The following DBF4B variants were observed in gnomAD, a reference collection of about 807,000 sequenced individuals.
DBF4B encodes the protein DBF4B-CDC7 kinase regulatory subunit, also known as protein DBF4 homolog B.
A neutral mutation model predicts 53.4 loss-of-function variants in DBF4B; 49 were observed. The observed-to-expected ratio is 0.92, with a 90% confidence interval of 0.73 to 1.16. The LOEUF is 1.16. DBF4B is among the 50% of genes most tolerant of loss of function. The pLI, the probability that DBF4B is intolerant of heterozygous loss-of-function variation, is 0.00. For missense variants in DBF4B, 692 were observed against 775.0 expected (o/e 0.89, Z 1.27); for synonymous variants, 257 against 288.7 (o/e 0.89, Z 1.11).
intron 6 of DBF4B, 72 bp downstream of exon 6, chr17:44,732,337 G>C: frequency 6.6e-7 from 1 of 1,511,098 alleles, no homozygotes; most frequent in Non-Finnish European, 9.1e-7. Context: ...GCTTTTAGAA[G>C]GATCATGGTC....
chr17:44,746,545 G>A (rs998991632), intron 10 of DBF4B, among the ~76,000 whole-genome samples: 5 of 152,094 alleles, frequency 3.3e-5, no homozygotes, highest in South Asian at 2.1e-4. Flanking sequence ...GATGGCTGGC[G>A]CGGTGGCTCA....
At chr17:44,745,210 G>A (rs1004852937) in intron 10 of DBF4B, among the ~76,000 whole-genome samples, 4 of 152,144 alleles carry the variant, frequency 2.6e-5, no homozygotes, top group Non-Finnish European at 4.4e-5. Context: ...GGGATTATAA[G>A]TGTGAGCCAC....
chr17:44,731,099 AC>A (rs573411424), intron 5 of DBF4B, 84 bp downstream of exon 5: 17 of 1,509,418 alleles, frequency 1.1e-5, no homozygotes, highest in Admixed American at 1.7e-5. Flanking sequence ...CTTCTGAAGC[AC>A]CCACACAAAA....
At position 44,717,502 on chromosome 17, in the gene DBF4B, T is replaced by C. The variant is rs116532899; in HGVS notation, c.83-5378T>C. Among the ~76,000 whole-genome samples the C allele has an allele frequency of 8.0e-3, 1,215 of 151,550 alleles. 14 individuals carry two copies. Among genetic ancestry groups the C allele is most frequent in the African/African-American group, 0.028 (1,149 of 41,266 alleles). On this transcript the variant is annotated intron_variant, in intron 2 of 13. Coordinates refer to ENST00000315005, the MANE Select transcript of DBF4B (RefSeq NM_145663.3). ...CAGGGGAATCATTTGAAGCTAGGAT[T>C]TCGAGACCAGCCTGGCCAACATGGT...
chr17:44,739,644 C>CATA (rs1975795669), intron 9 of DBF4B, among the ~76,000 whole-genome samples: 1 of 152,252 alleles, frequency 6.6e-6, no homozygotes, highest in African/African-American at 2.4e-5. Context: ...CTGAAAGGCA[C>CATA]TGTTACAGCC....
rs747832137 is a variant in DBF4B at position 44,732,261 on chromosome 17, G to T, written c.552G>T (p.Val184=). 5.0e-6 allele frequency: 8 copies of T among 1,614,072 alleles called. No individual in the cohort carries two copies. The highest frequency in any genetic ancestry group is 1.7e-6 in the Non-Finnish European group (2 of 1,179,976). ...CTTGGGGAGTGAGGATTCTGCACGT[G>T]GATGGTACCCTTTCTGTGCTGGGCT... ...ARSWGVRILH[V]DEMMMHVQQL... The change falls in exon 6 of 14, where the codon GTG becomes GTT. Residue 184 remains valine, a synonymous_variant. Coordinates refer to ENST00000315005, the MANE Select transcript of DBF4B (RefSeq NM_145663.3).
At chr17:44,750,553 G>A (rs2049255179) in intron 13 of DBF4B, 42 bp from the exon 14 acceptor site, 3 of 1,535,304 alleles carry the variant, frequency 2.0e-6, no homozygotes, top group South Asian at 1.2e-5. Context: ...GCAAAGAGAT[G>A]GGGCTGGAAT....
At position 44,730,827 on chromosome 17, in the gene DBF4B, C is replaced by T. The variant is rs757484272; in HGVS notation, c.418-138C>T. The stretch of plus-strand genomic sequence containing the variant: ...ACGTTTTCTAGGCTCTCATTTCTAC[C>T]AATCCTCAGTTGTCACTGCTCCCAG... On this transcript the variant is annotated intron_variant, in intron 4 of 13. Coordinates refer to ENST00000315005, the MANE Select transcript of DBF4B (RefSeq NM_145663.3). 509 of 816,472 alleles carry T rather than the reference C, an allele frequency of 6.2e-4. 2 individuals are homozygous for T. Among genetic ancestry groups the T allele is most frequent in the South Asian group, 3.3e-3 (181 of 55,224 alleles). 50.6% of individuals were successfully genotyped at this position (816,472 alleles called of 1,614,324 possible).
At chr17:44,747,556 C>T (rs2049140105) in intron 12 of DBF4B, 41 bp downstream of exon 12, 2 of 1,606,412 alleles carry the variant, frequency 1.2e-6, no homozygotes, top group Non-Finnish European at 1.7e-6. Context: ...TCTGCTCTCT[C>T]CTCTGTTGCC....
chr17:44,729,341 A>G (rs1974620320), intron 3 of DBF4B, among the ~76,000 whole-genome samples: 1 of 151,558 alleles, frequency 6.6e-6, no homozygotes, highest in African/African-American at 2.4e-5. Context: ...AGCTAGGACT[A>G]TAGGTGCATG....
chr17:44,734,699 G>A (rs1266534343), intron 7 of DBF4B, among the ~76,000 whole-genome samples: 1 of 152,156 alleles, frequency 6.6e-6, no homozygotes, highest in Non-Finnish European at 1.5e-5. Flanking sequence ...ATCTGAGGAA[G>A]GATTAAATCT....
At chr17:44,748,667 C>A in intron 13 of DBF4B, 1 of 1,465,976 alleles carries the variant, frequency 6.8e-7, no homozygotes, top group South Asian at 1.2e-5. Flanking sequence ...ATGGAACTCT[C>A]CTCTGGCCCA....
At chr17:44,750,392 G>T (rs976566779) in intron 13 of DBF4B, 1 of 985,266 alleles carries the variant, frequency 1.0e-6, no homozygotes, top group Non-Finnish European at 1.2e-6. Context: ...AGAAGGGGGG[G>T]CCCAGCTATG....
Position 44,708,702 on chromosome 17 carries a change from GC to G in DBF4B, c.-118del. On this transcript the variant is annotated 5_prime_UTR_variant, in exon 1 of 14. The change abolishes the stop of an existing upstream ORF in the 5' untranslated region. Coordinates refer to ENST00000315005, the MANE Select transcript of DBF4B (RefSeq NM_145663.3). ...CGGCCGAAAACGCCAAGAGATTGAT[GC>G]TGTAGCTGCCCTGAGATAACCAGGA... is the stretch of plus-strand genomic sequence containing the variant. 1 of 1,249,606 alleles carries G rather than the reference GC, an allele frequency of 8.0e-7. No homozygotes were observed. The highest frequency in any genetic ancestry group is 1.7e-5 in the South Asian group (1 of 60,260). 77.4% of individuals were successfully genotyped at this position (1,249,606 alleles called of 1,614,324 possible).
chr17:44,740,066 G>T (rs368246830), intron 9 of DBF4B, among the ~76,000 whole-genome samples: 2 of 151,958 alleles, frequency 1.3e-5, no homozygotes, highest in South Asian at 4.1e-4. Context: ...CCAGCCTCTT[G>T]TGATTTTTTT....
chr17:44,714,643 C>T (rs1457570576), intron 2 of DBF4B, among the ~76,000 whole-genome samples: 1 of 151,430 alleles, frequency 6.6e-6, no homozygotes, highest in Non-Finnish European at 1.5e-5. Flanking sequence ...TCTTTATAGA[C>T]CTGTTGAGAA....
At chr17:44,726,252 G>T (rs1052239879) in intron 3 of DBF4B, among the ~76,000 whole-genome samples, 4 of 151,478 alleles carry the variant, frequency 2.6e-5, no homozygotes, top group Admixed American at 2.0e-4. Flanking sequence ...GCCTCCCAAA[G>T]TGCTGGGATT....
chr17:44,748,751 C>G, intron 13 of DBF4B: 2 of 1,346,648 alleles, frequency 1.5e-6, no homozygotes, highest in Non-Finnish European at 1.9e-6. Context: ...GTGGGGGCCT[C>G]CTGGCCACAG....
At chr17:44,738,309 C>T (rs1975662992) in intron 8 of DBF4B, 70 bp from the exon 9 acceptor site, 6 of 1,494,720 alleles carry the variant, frequency 4.0e-6, no homozygotes, top group Non-Finnish European at 5.5e-6. Flanking sequence ...CTCAGCATTT[C>T]CTGCATGTGT....
Sources: allele counts gnomAD v4.1 joint callset (sites outside exome capture counted in the v4.1 genomes callset), GRCh38; gene constraint gnomAD v4.1.1; transcripts MANE v1.5; gene names NCBI Gene and HGNC (gene_info 2026-07-23, HGNC 2026-07-21).